The following PAPPA2 variants were observed in gnomAD, a reference collection of about 807,000 sequenced individuals.
PAPPA2 encodes pappalysin 2.
Under a neutral mutation model 176.4 loss-of-function variants are expected in PAPPA2, and 86 were observed. The observed-to-expected ratio is 0.49, with a 90% CI of 0.41 to 0.58. PAPPA2 has a LOEUF of 0.58. Ranked by LOEUF, PAPPA2 falls within the 20% of genes least tolerant of loss-of-function variation. The pLI, the probability that PAPPA2 is intolerant of heterozygous loss-of-function variation, is 0.00. For missense variants in PAPPA2, 2,073 were observed against 2,256.9 expected (o/e 0.92, Z 1.65); for synonymous variants, 809 against 852.2 (o/e 0.95, Z 0.88).
At chr1:176,626,383 C>T (rs1180237446) in intron 3 of PAPPA2, among the ~76,000 whole-genome samples, 5 of 152,086 alleles carry the variant, frequency 3.3e-5, no homozygotes, top group African/African-American at 9.7e-5. Context: ...ACATTATATT[C>T]GTAAGATTAT....
intron 12 of PAPPA2, among the ~76,000 whole-genome samples, chr1:176,733,774 G>A (rs146941519): frequency 0.014 from 2,186 of 152,212 alleles, 17 homozygotes; most frequent in Middle Eastern, 0.02. Flanking sequence ...GGATTTGCCA[G>A]CAGATAGTTT....
chr1:176,755,075 G>T (rs1255855470), intron 14 of PAPPA2, among the ~76,000 whole-genome samples: 1 of 152,158 alleles, frequency 6.6e-6, no homozygotes, highest in Non-Finnish European at 1.5e-5. Flanking sequence ...CAAGGCTCCA[G>T]TAGGCTAGGA....
Position 176,816,642 on chromosome 1 carries a change from A to G in PAPPA2, c.5202+16510A>G, listed in dbSNP as rs537942745. ...TTCATGCCTTTTTTGTTCCTTTTTTATACTAATATTTTAGTGGAACTTCTG... is the reference window on the plus strand; with the variant it reads ...TTCATGCCTTTTTTGTTCCTTTTTTGTACTAATATTTTAGTGGAACTTCTG... On this transcript the variant is annotated intron_variant, in intron 21 of 22. Transcript: ENST00000367662. 7.5e-4 allele frequency among the ~76,000 whole-genome samples: 109 copies of G among 145,818 alleles called. No homozygotes were observed. The Middle Eastern group carries it at 0.011, about 15-fold the overall frequency.
intron 3 of PAPPA2, among the ~76,000 whole-genome samples, chr1:176,609,906 A>G (rs1260466743): frequency 6.6e-6 from 1 of 152,196 alleles, no homozygotes; most frequent in Non-Finnish European, 1.5e-5. Flanking sequence ...ATTTGATGAG[A>G]TGATGGGTAA....
chr1:176,825,885 T>TA (rs1328878431), intron 21 of PAPPA2, among the ~76,000 whole-genome samples: 2 of 152,144 alleles, frequency 1.3e-5, no homozygotes, highest in African/African-American at 4.8e-5. Context: ...GAACCATTGA[T>TA]ACGAAGAGTA....
intron 20 of PAPPA2, among the ~76,000 whole-genome samples, chr1:176,794,436 T>A (rs981277019): frequency 2.6e-5 from 4 of 152,208 alleles, no homozygotes; most frequent in Non-Finnish European, 5.9e-5. Flanking sequence ...TCAGTTCACT[T>A]AGTACAAATC....
At chr1:176,502,690 C>T (rs1389714497) in intron 1 of PAPPA2, among the ~76,000 whole-genome samples, 1 of 152,170 alleles carries the variant, frequency 6.6e-6, no homozygotes, top group Non-Finnish European at 1.5e-5. Flanking sequence ...GGAAGGTGTG[C>T]ATGGCAAGAC....
At chr1:176,637,986 A>G (rs1323642801) in intron 3 of PAPPA2, among the ~76,000 whole-genome samples, 2 of 152,098 alleles carry the variant, frequency 1.3e-5, no homozygotes, top group African/African-American at 4.8e-5. Flanking sequence ...ATTATTATTT[A>G]GAGTGGAAAC....
intron 1 of PAPPA2, among the ~76,000 whole-genome samples, chr1:176,492,571 G>T (rs901302034): frequency 3.3e-5 from 5 of 152,136 alleles, no homozygotes; most frequent in African/African-American, 1.2e-4. Context: ...CTTATCTGGG[G>T]CTCTGCCTAC....
intron 13 of PAPPA2, 62 bp from the exon 14 acceptor site, chr1:176,739,918 A>G: frequency 1.9e-6 from 3 of 1,590,774 alleles, no homozygotes; most frequent in Non-Finnish European, 2.6e-6. Flanking sequence ...AAATGAATAC[A>G]AGATATGGAA....
intron 2 of PAPPA2, among the ~76,000 whole-genome samples, chr1:176,579,629 C>G (rs1428860328): frequency 6.6e-6 from 1 of 152,204 alleles, no homozygotes; most frequent in Non-Finnish European, 1.5e-5. Flanking sequence ...GCCCATGTCA[C>G]TCTTCTTGCC....
chr1:176,633,271 G>A (rs1244903968), intron 3 of PAPPA2, among the ~76,000 whole-genome samples: 5 of 152,128 alleles, frequency 3.3e-5, no homozygotes, highest in South Asian at 2.1e-4. Flanking sequence ...GGCTGAGTGT[G>A]GGAATCAAAT....
rs143076161 is a variant in PAPPA2 at position 176,827,830 on chromosome 1, T to A, written c.5203-12343T>A. Reference sequence around the variant, plus strand: ...TATGCCTGGCTTATAGTAAAATAGATGTTAATTTACTGTATAGAGTAATTT... The same window carrying A: ...TATGCCTGGCTTATAGTAAAATAGAAGTTAATTTACTGTATAGAGTAATTT... On this transcript the variant is annotated intron_variant, in intron 21 of 22. Transcript: ENST00000367662. Among the ~76,000 whole-genome samples, 22 of 152,274 alleles carry A rather than the reference T, an allele frequency of 1.4e-4. No homozygotes were observed. The East Asian group carries it at 4.1e-3, about 28-fold the overall frequency.
chr1:176,818,146 C>CAG (rs1461950030), intron 21 of PAPPA2, among the ~76,000 whole-genome samples: 1 of 152,074 alleles, frequency 6.6e-6, no homozygotes, highest in Non-Finnish European at 1.5e-5. Context: ...TTGGCCAGCA[C>CAG]AAGAAGTGAG....
intron 3 of PAPPA2, among the ~76,000 whole-genome samples, chr1:176,641,383 G>T (rs1403116718): frequency 3.3e-5 from 5 of 151,584 alleles, no homozygotes; most frequent in Non-Finnish European, 7.4e-5. Flanking sequence ...GTAAGGAAGG[G>T]ATCCAGTTTC....
chr1:176,586,762 T>C (rs1415662899), intron 2 of PAPPA2, among the ~76,000 whole-genome samples: 2 of 152,254 alleles, frequency 1.3e-5, no homozygotes, highest in East Asian at 3.8e-4. Context: ...TATGTGTGCA[T>C]GTGTCTTTAT....
intron 3 of PAPPA2, among the ~76,000 whole-genome samples, chr1:176,630,958 C>A (rs967682653): frequency 6.6e-6 from 1 of 152,084 alleles, no homozygotes; most frequent in Non-Finnish European, 1.5e-5. Context: ...ATGTCATCAG[C>A]AAATTGGTGA....
At chr1:176,716,805 G>C (rs1208360138) in intron 12 of PAPPA2, among the ~76,000 whole-genome samples, 2 of 151,328 alleles carry the variant, frequency 1.3e-5, no homozygotes, top group African/African-American at 2.4e-5. Flanking sequence ...TAGAGACGGG[G>C]TTTCACCGTG....
At position 176,727,846 on chromosome 1, in the gene PAPPA2, A is replaced by G. The variant is rs1286954963; in HGVS notation, c.3799-11780A>G. ...TTTGTAATGTTTGAAGCATACAGACAAATTAGTAGCAAGATATCTAGGTCA... is the reference window on the plus strand; with the variant it reads ...TTTGTAATGTTTGAAGCATACAGACGAATTAGTAGCAAGATATCTAGGTCA... On this transcript the variant is annotated intron_variant, in intron 12 of 22. Transcript: ENST00000367662. 2.6e-5 allele frequency among the ~76,000 whole-genome samples: 4 copies of G among 152,188 alleles called. No individual in the cohort carries two copies. The South Asian group carries it at 8.3e-4, about 32-fold the overall frequency.
Sources: gnomAD v4.1 joint callset for allele counts (sites outside exome capture counted in the v4.1 genomes callset) on GRCh38, gnomAD v4.1.1 for gene constraint, MANE v1.5 for transcripts, NCBI Gene and HGNC (gene_info 2026-07-23, HGNC 2026-07-21) for gene names.